The following RASGRP1 variants were observed in gnomAD, a reference collection of about 807,000 sequenced individuals.
RASGRP1 encodes the protein RAS guanyl releasing protein 1, also known as RAS guanyl-releasing protein 1.
A neutral mutation model predicts 95.1 loss-of-function variants in RASGRP1; 37 were observed. The observed-to-expected ratio is 0.39, with a 90% CI of 0.30 to 0.51. RASGRP1 has a LOEUF of 0.51. RASGRP1 is among the 20% of genes least tolerant of loss of function. The probability of loss-of-function intolerance (pLI) is 0.80; values close to 1 mark genes in which losing one functional copy is unlikely to be tolerated. For missense variants in RASGRP1, 711 were observed against 965.4 expected (o/e 0.74, Z 3.49); for synonymous variants, 325 against 353.4 (o/e 0.92, Z 0.90).
chr15:38,492,966 C>T (rs1287518044), intron 16 of RASGRP1, among the ~76,000 whole-genome samples: 6 of 151,612 alleles, frequency 4.0e-5, no homozygotes, highest in African/African-American at 7.3e-5. Context: ...CTGCAAGCTC[C>T]GCCTCCCAGG....
chr15:38,561,425 T>G (rs1184503953), intron 1 of RASGRP1, among the ~76,000 whole-genome samples: 1 of 152,236 alleles, frequency 6.6e-6, no homozygotes, highest in Non-Finnish European at 1.5e-5. Flanking sequence ...TCAAGAGTAA[T>G]AAGCATGATG....
chr15:38,492,111 C>G (rs1449814801), intron 16 of RASGRP1, among the ~76,000 whole-genome samples: 1 of 152,144 alleles, frequency 6.6e-6, no homozygotes, highest in African/African-American at 2.4e-5. Flanking sequence ...TTCGAGGTTT[C>G]TTTCATCATT....
rs536746659 is a variant in RASGRP1, at chr15:38,526,200, T to G, written c.326+99A>C. ...ATATGAACCTATTTGCCACTCAGGGTTATTCCAAACCAATAAAAATAAAAG... is the reference window on the plus strand; with the variant it reads ...ATATGAACCTATTTGCCACTCAGGGGTATTCCAAACCAATAAAAATAAAAG... On this transcript the variant is annotated intron_variant, in intron 3 of 16. Coordinates refer to ENST00000310803, the MANE Select transcript of RASGRP1 (RefSeq NM_005739.4). The G allele has an allele frequency of 1.4e-5, 13 of 937,490 alleles. 2 individuals carry two copies. The highest frequency in any genetic ancestry group is 1.3e-4 in the African/African-American group (8 of 61,246). 58.1% of individuals were successfully genotyped at this position (937,490 alleles called of 1,614,324 possible). A position where few individuals can be genotyped will look rare whatever the true frequency, so the allele number is the denominator to read the frequency against.
chr15:38,494,221 C>T lies in RASGRP1; in HGVS notation c.2259+161G>A. 8 of 952,772 alleles carry T rather than the reference C, an allele frequency of 8.4e-6. No individual in the cohort carries two copies. The South Asian group carries it at 1.1e-4, about 13-fold the overall frequency. 59.0% of individuals were successfully genotyped at this position (952,772 alleles called of 1,614,324 possible). A position where few individuals can be genotyped will look rare whatever the true frequency, so the allele number is the denominator to read the frequency against. ...CATCCTTTCTTCCTTCCCTCCCTCT[C>T]TTCCTCCCTGTTTCTCCCTCCCTGT... On this transcript the variant is annotated intron_variant, in intron 16 of 16. Transcript: ENST00000310803.
At chr15:38,509,727 C>G (rs138420379) in intron 8 of RASGRP1, among the ~76,000 whole-genome samples, 166 of 152,134 alleles carry the variant, frequency 1.1e-3, no homozygotes, top group African/African-American at 3.8e-3. Context: ...CTGTCTCAAT[C>G]AATAAATAAA....
rs1380846547 is a variant in RASGRP1 at position 38,564,678 on chromosome 15, G to A, written c.-50C>T. 4.1e-6 allele frequency: 5 copies of A among 1,223,124 alleles called. No homozygotes were observed. The East Asian group carries it at 1.0e-4, about 25-fold the overall frequency. The allele number at this position is 1,223,124 out of a possible 1,614,324, so 75.8% of individuals were successfully genotyped here. A position where few individuals can be genotyped will look rare whatever the true frequency, so the allele number is the denominator to read the frequency against. ...CGGCTCACCTAGCGCGGCCGGGCGC[G>A]GCGCATCGCCCCCGCCACCACCGCC... On this transcript the variant is annotated 5_prime_UTR_variant, in exon 1 of 17. Coordinates refer to ENST00000310803, the MANE Select transcript of RASGRP1 (RefSeq NM_005739.4).
intron 6 of RASGRP1, among the ~76,000 whole-genome samples, chr15:38,514,844 G>A (rs1891694675): frequency 6.6e-6 from 1 of 152,204 alleles, no homozygotes; most frequent in Admixed American, 6.6e-5. Flanking sequence ...TTTGACCCCT[G>A]CAGAGCTCAG....
chr15:38,491,722 T>C (rs1595812939), intron 16 of RASGRP1, among the ~76,000 whole-genome samples: 2 of 152,318 alleles, frequency 1.3e-5, no homozygotes, highest in Admixed American at 1.3e-4. Flanking sequence ...AATGGGAAAG[T>C]GGGACACATA....
chr15:38,506,172 A>G (rs1205708667), intron 9 of RASGRP1, among the ~76,000 whole-genome samples: 1 of 152,214 alleles, frequency 6.6e-6, no homozygotes, highest in Admixed American at 6.5e-5. Context: ...AAGCCTCTAT[A>G]TAGAGCTTAG....
At chr15:38,549,427 C>T (rs1021350834) in intron 2 of RASGRP1, among the ~76,000 whole-genome samples, 2 of 152,112 alleles carry the variant, frequency 1.3e-5, no homozygotes, top group Non-Finnish European at 2.9e-5. Flanking sequence ...TTGTGGGTTC[C>T]CCCTTAAAAT....
At chr15:38,519,980 C>T (rs1449488760) in intron 3 of RASGRP1, among the ~76,000 whole-genome samples, 16 of 152,086 alleles carry the variant, frequency 1.1e-4, no homozygotes, top group Admixed American at 9.2e-4. Flanking sequence ...TGTGAATAAT[C>T]GAAAACAAAA....
At chr15:38,520,047 T>G (rs769820992) in intron 3 of RASGRP1, among the ~76,000 whole-genome samples, 2 of 152,172 alleles carry the variant, frequency 1.3e-5, no homozygotes, top group Non-Finnish European at 1.5e-5. Flanking sequence ...TATGAAAGAA[T>G]AGCAAGATCT....
At chr15:38,510,786 C>G (rs141818589) in intron 8 of RASGRP1, among the ~76,000 whole-genome samples, 1 of 152,060 alleles carries the variant, frequency 6.6e-6, no homozygotes, top group Non-Finnish European at 1.5e-5. Context: ...ATAGGGAGAC[C>G]CTTATCTCTA....
chr15:38,522,802 A>C (rs1239413792), intron 3 of RASGRP1, among the ~76,000 whole-genome samples: 6 of 152,316 alleles, frequency 3.9e-5, no homozygotes, highest in African/African-American at 1.2e-4. Flanking sequence ...CGCTGGGAAC[A>C]GACTGAGGAG....
chr15:38,555,878 G>C (rs936887768), intron 2 of RASGRP1, among the ~76,000 whole-genome samples: 1 of 152,150 alleles, frequency 6.6e-6, no homozygotes, highest in African/African-American at 2.4e-5. Flanking sequence ...TGTGTGTTGG[G>C]GGGGCCCGTT....
chr15:38,516,101 GC>G, intron 6 of RASGRP1, 95 bp downstream of exon 6: 1 of 1,372,458 alleles, frequency 7.3e-7, no homozygotes, highest in South Asian at 1.3e-5. Context: ...ACTTGAGGGG[GC>G]CTCTAAGGTT....
chr15:38,561,308 A>G (rs1354302574), intron 1 of RASGRP1, among the ~76,000 whole-genome samples: 3 of 152,226 alleles, frequency 2.0e-5, no homozygotes, highest in Non-Finnish European at 4.4e-5. Context: ...TGCTGTTGTT[A>G]CATAATGGCA....
At chr15:38,536,180 T>C (rs548993846) in intron 2 of RASGRP1, among the ~76,000 whole-genome samples, 1 of 152,336 alleles carries the variant, frequency 6.6e-6, no homozygotes, top group East Asian at 1.9e-4. Context: ...GTTTGATTCT[T>C]TGATGAGCTG....
chr15:38,494,279 T>C (rs556868882), intron 16 of RASGRP1, 103 bp downstream of exon 16: 3 of 1,454,854 alleles, frequency 2.1e-6, no homozygotes, highest in Admixed American at 3.8e-5. Context: ...TTTAGACTGC[T>C]TGTAATCAGC....
Sources: allele counts gnomAD v4.1 joint callset (sites outside exome capture counted in the v4.1 genomes callset), GRCh38; gene constraint gnomAD v4.1.1; transcripts MANE v1.5; gene names NCBI Gene and HGNC (gene_info 2026-07-23, HGNC 2026-07-21).